The following TANGO6 variants were observed in gnomAD, a reference collection of about 807,000 sequenced individuals.
TANGO6 encodes the protein transport and Golgi organization protein 6 homolog.
Under a neutral mutation model 114.2 loss-of-function variants are expected in TANGO6, and 90 were observed. The ratio of observed to expected loss-of-function variants is 0.79; its 90% CI spans 0.66 to 0.94. The LOEUF (loss-of-function observed/expected upper bound fraction) is 0.94. TANGO6 is among the 40% of genes least tolerant of loss of function. The pLI is 0.00. For missense variants in TANGO6, 1,274 were observed against 1,315.3 expected (o/e 0.97, Z 0.49); for synonymous variants, 477 against 509.8 (o/e 0.94, Z 0.87).
intron 1 of TANGO6, among the ~76,000 whole-genome samples, chr16:68,848,500 C>A (rs1961850612): frequency 6.6e-6 from 1 of 150,512 alleles, no homozygotes; most frequent in South Asian, 2.1e-4. Context: ...ACTTCTAGTG[C>A]AGAGACAATA....
intron 15 of TANGO6, among the ~76,000 whole-genome samples, chr16:68,975,287 A>C (rs1490514888): frequency 6.6e-6 from 1 of 152,204 alleles, no homozygotes; most frequent in Non-Finnish European, 1.5e-5. Flanking sequence ...TGAACCACCA[A>C]CTTGAAGGAA....
intron 17 of TANGO6, among the ~76,000 whole-genome samples, chr16:69,063,524 CAA>C (rs1005170077): frequency 2.4e-5 from 3 of 126,044 alleles, no homozygotes; most frequent in African/African-American, 2.9e-5. Flanking sequence ...GACCCCGTCT[CAA>C]AAAAAAAAAA....
At chr16:68,980,049 T>C (rs2152214688) in intron 15 of TANGO6, among the ~76,000 whole-genome samples, 1 of 152,124 alleles carries the variant, frequency 6.6e-6, no homozygotes, top group Admixed American at 6.5e-5. Flanking sequence ...GGTTTCACCA[T>C]GCTGGCCAGG....
At chr16:68,853,478 T>A (rs966870085) in intron 1 of TANGO6, among the ~76,000 whole-genome samples, 5 of 152,086 alleles carry the variant, frequency 3.3e-5, no homozygotes, top group African/African-American at 1.2e-4. Context: ...TGGTTCTAGG[T>A]TTTTTAACCC....
intron 15 of TANGO6, among the ~76,000 whole-genome samples, chr16:69,007,520 C>T (rs867905442): frequency 1.3e-5 from 2 of 152,056 alleles, no homozygotes; most frequent in South Asian, 4.1e-4. Context: ...CCGCCTCGGT[C>T]TCCCAAAGTG....
chr16:68,860,413 C>T lies in TANGO6; in HGVS notation c.624C>T (p.His208=), dbSNP rs1428347544. Residue 208 remains histidine (H), a synonymous_variant, in exon 2 of 18, where the codon CAC becomes CAT. Coordinates refer to ENST00000261778, the MANE Select transcript of TANGO6 (RefSeq NM_024562.2). ...SCKALLNVAQ[H]TSLGSLIFCH... is the part of the protein sequence containing the mutation. ...AGGCCCTTCTGAATGTTGCTCAGCA[C>T]ACATCTCTGGGGAGCTTGATCTTCT... 1.2e-6 allele frequency: 2 copies of T among 1,614,018 alleles called. No individual in the cohort carries two copies. Among genetic ancestry groups the T allele is most frequent in the Non-Finnish European group, 1.7e-6 (2 of 1,179,896 alleles).
chr16:68,876,879 G>A (rs1256854662), intron 5 of TANGO6, among the ~76,000 whole-genome samples: 1 of 151,966 alleles, frequency 6.6e-6, no homozygotes, highest in Non-Finnish European at 1.5e-5. Context: ...CATTTTCATG[G>A]GTACATGGTA....
intron 17 of TANGO6, among the ~76,000 whole-genome samples, chr16:69,073,685 G>C (rs1362562570): frequency 6.6e-6 from 1 of 152,180 alleles, no homozygotes; most frequent in African/African-American, 2.4e-5. Context: ...AGCCAGGCCT[G>C]GTGGCTCACG....
intron 17 of TANGO6, among the ~76,000 whole-genome samples, chr16:69,049,555 C>A (rs1455613107): frequency 6.6e-6 from 1 of 152,016 alleles, no homozygotes; most frequent in African/African-American, 2.4e-5. Context: ...CCTCAGCCTC[C>A]CGAGTAGCTG....
intron 14 of TANGO6, among the ~76,000 whole-genome samples, chr16:68,952,546 AG>A (rs2152206067): frequency 6.6e-6 from 1 of 152,338 alleles, no homozygotes; most frequent in African/African-American, 2.4e-5. Flanking sequence ...ACACTGACAT[AG>A]TTCCTTTTGT....
intron 16 of TANGO6, among the ~76,000 whole-genome samples, chr16:69,028,285 A>G (rs1959538397): frequency 6.6e-6 from 1 of 152,110 alleles, no homozygotes; most frequent in South Asian, 2.1e-4. Flanking sequence ...ATTTTTAAAT[A>G]ATGGCTTTAC....
intron 10 of TANGO6, 105 bp downstream of exon 10, chr16:68,907,680 C>G (rs983907972): frequency 7.6e-7 from 1 of 1,319,766 alleles, no homozygotes; most frequent in Admixed American, 3.2e-5. Context: ...AATGTAGGCC[C>G]TAATTTAAGG....
chr16:69,075,384 G>C (rs561532943), intron 17 of TANGO6, among the ~76,000 whole-genome samples: 1 of 151,964 alleles, frequency 6.6e-6, no homozygotes, highest in Non-Finnish European at 1.5e-5. Flanking sequence ...GTATTTCATA[G>C]TTTACACATG....
At chr16:68,996,457 T>G (rs1308423056) in intron 15 of TANGO6, among the ~76,000 whole-genome samples, 1 of 152,122 alleles carries the variant, frequency 6.6e-6, no homozygotes. Flanking sequence ...GAGGTAGAGT[T>G]CTAGGCCCTG....
chr16:69,043,462 T>G (rs909458303), intron 17 of TANGO6, among the ~76,000 whole-genome samples: 7 of 152,124 alleles, frequency 4.6e-5, no homozygotes, highest in African/African-American at 1.7e-4. Context: ...ATGGAAGATT[T>G]TTGTCACTTT....
intron 15 of TANGO6, among the ~76,000 whole-genome samples, chr16:69,019,236 A>G (rs981514138): frequency 1.3e-5 from 2 of 152,166 alleles, no homozygotes; most frequent in African/African-American, 2.4e-5. Context: ...ATATGTAACT[A>G]CCTCTCTAGG....
chr16:68,996,997 T>C (rs1237331325), intron 15 of TANGO6, among the ~76,000 whole-genome samples: 1 of 152,178 alleles, frequency 6.6e-6, no homozygotes, highest in East Asian at 1.9e-4. Context: ...GAGATTTGGA[T>C]TGGGCGAAAC....
intron 12 of TANGO6, among the ~76,000 whole-genome samples, chr16:68,924,905 G>A (rs956589260): frequency 6.6e-6 from 1 of 152,122 alleles, no homozygotes; most frequent in Non-Finnish European, 1.5e-5. Flanking sequence ...ACAGGTTGTG[G>A]GCACCTGGTT....
At chr16:68,902,216 C>T (rs1962794303) in intron 8 of TANGO6, 112 bp from the exon 9 acceptor site, 6 of 998,670 alleles carry the variant, frequency 6.0e-6, no homozygotes, top group African/African-American at 3.3e-5. Flanking sequence ...GGAGATTGTG[C>T]CAGCATTTAA....
Sources: allele counts gnomAD v4.1 joint callset (sites outside exome capture counted in the v4.1 genomes callset), GRCh38; gene constraint gnomAD v4.1.1; transcripts MANE v1.5; gene names NCBI Gene and HGNC (gene_info 2026-07-23, HGNC 2026-07-21).